Variants in MTMR8 observed in about 807,000 individuals in gnomAD.
MTMR8 encodes the protein myotubularin related protein 8.
MTMR8 carries 65 observed loss-of-function variants against 39.3 expected under a neutral mutation model. The ratio of observed to expected loss-of-function variants is 1.65; its 90% CI spans 1.35 to 2.03. The LOEUF (loss-of-function observed/expected upper bound fraction) is 2.03. Among genes scored for constraint, MTMR8 ranks in the 30% most tolerant of loss-of-function variants. The pLI is 0.00. For missense variants in MTMR8, 777 were observed against 538.9 expected, an observed-to-expected ratio of 1.44 and a Z score of -4.37; for synonymous variants, 245 against 185.2, an observed-to-expected ratio of 1.32 and a Z score of -2.62.
chrX:64,369,779 T>A (rs1207071285), intron 1 of MTMR8, among the ~76,000 whole-genome samples: 1 of 111,094 alleles, frequency 9.0e-6, no homozygotes, highest in Non-Finnish European at 1.9e-5. Context: ...AAAAAAATTA[T>A]CCAGTCTCAG....
chrX:64,356,666 T>C (rs1383565233), intron 2 of MTMR8, among the ~76,000 whole-genome samples: 1 of 111,174 alleles, frequency 9.0e-6, no homozygotes, highest in Non-Finnish European at 1.9e-5. Flanking sequence ...ACAATCAGAA[T>C]AATTGTTACA....
chrX:64,347,243 TA>T (rs781305397), intron 6 of MTMR8, among the ~76,000 whole-genome samples: 18 of 110,421 alleles, frequency 1.6e-4, no homozygotes, highest in African/African-American at 5.6e-4. Context: ...TGGAACCTGT[TA>T]AAAAAAAGGG....
chrX:64,329,820 A>T, intron 11 of MTMR8, among the ~76,000 whole-genome samples: 1 of 111,980 alleles, frequency 8.9e-6, no homozygotes. Flanking sequence ...CAGAAAAAAA[A>T]AAATATTGCG....
intron 12 of MTMR8, among the ~76,000 whole-genome samples, chrX:64,279,117 C>G (rs747693607): frequency 5.4e-4 from 61 of 111,997 alleles, no homozygotes; most frequent in African/African-American, 1.9e-3. Flanking sequence ...ATCCACTGCT[C>G]TCTTCAGAGC....
intron 12 of MTMR8, among the ~76,000 whole-genome samples, chrX:64,287,261 T>A (rs1465950213): frequency 9.0e-6 from 1 of 111,015 alleles, no homozygotes; most frequent in Non-Finnish European, 1.9e-5. Flanking sequence ...TTACAAGGGA[T>A]GTGAAGGACC....
chrX:64,304,869 T>C lies in MTMR8; in HGVS notation c.1481+23903A>G, dbSNP rs1304045395. On this transcript the variant is annotated intron_variant, in intron 12 of 13. Transcript: ENST00000374852. ...TTGATGGATCAAACATTTATATATATATATATATATATATATATATATATA... is the reference window on the plus strand; with the variant it reads ...TTGATGGATCAAACATTTATATATACATATATATATATATATATATATATA... 1.9e-4 allele frequency among the ~76,000 whole-genome samples: 7 copies of C among 37,495 alleles called. No homozygotes were observed. In the African/African-American group the frequency reaches 6.4e-3, roughly 35 times the overall value. The allele number at this position is 37,495 out of a possible 115,157, so 32.6% of individuals were successfully genotyped here. A position where few individuals can be genotyped will look rare whatever the true frequency, so the allele number is the denominator to read the frequency against.
chrX:64,280,649 G>T (rs1036863992), intron 12 of MTMR8, among the ~76,000 whole-genome samples: 1 of 111,389 alleles, frequency 9.0e-6, no homozygotes, highest in African/African-American at 3.3e-5. Context: ...AGACAAGGAT[G>T]CCCTCTCTCA....
At chrX:64,394,192 C>T (rs1190599190) in intron 1 of MTMR8, among the ~76,000 whole-genome samples, 8 of 111,605 alleles carry the variant, frequency 7.2e-5, no homozygotes, top group African/African-American at 2.6e-4. Context: ...TTCACTATCA[C>T]AAGAACAGCA....
chrX:64,268,348 T>A lies in MTMR8; in HGVS notation c.*189A>T, dbSNP rs1602097962. 2.2e-6 allele frequency: 1 copy of A among 457,517 alleles called. No homozygotes were observed. Among genetic ancestry groups the A allele is most frequent in the Non-Finnish European group, 3.7e-6 (1 of 273,805 alleles). 37.7% of individuals were successfully genotyped at this position (457,517 alleles called of 1,213,427 possible). A position where few individuals can be genotyped will look rare whatever the true frequency, so the allele number is the denominator to read the frequency against. Reference sequence around the variant, plus strand: ...AACATATTCTTTCTCTTGCCTACACTCTGTACTGCTTAATATGAACATATT... The same window carrying A: ...AACATATTCTTTCTCTTGCCTACACACTGTACTGCTTAATATGAACATATT... On this transcript the variant is annotated 3_prime_UTR_variant, in exon 14 of 14. Transcript: ENST00000374852.
intron 12 of MTMR8, among the ~76,000 whole-genome samples, chrX:64,272,111 G>C (rs775909562): frequency 2.7e-5 from 3 of 111,758 alleles, no homozygotes; most frequent in Non-Finnish European, 5.6e-5. Flanking sequence ...GTCTTCTCCT[G>C]TACAAGGCCA....
At chrX:64,364,304 T>C (rs1357736829) in intron 1 of MTMR8, among the ~76,000 whole-genome samples, 1 of 112,361 alleles carries the variant, frequency 8.9e-6, no homozygotes, top group Admixed American at 9.3e-5. Context: ...TCCTGACCAC[T>C]GTGTAGCCTA....
intron 12 of MTMR8, among the ~76,000 whole-genome samples, chrX:64,307,528 G>T (rs1367318939): frequency 9.0e-6 from 1 of 111,066 alleles, no homozygotes; most frequent in Non-Finnish European, 1.9e-5. Context: ...CGGCTTTTGG[G>T]TTCTCTATTC....
In MTMR8 at chrX:64,357,324, C is replaced by T. The variant is rs996613957; in HGVS notation, c.148-986G>A. On this transcript the variant is annotated intron_variant, in intron 2 of 13. Transcript: ENST00000374852. ...TCCCATCACCTCAATGCCCCAGTCC[C>T]TAATTTCTTTGGAAAAGTCATCTCT... Among the ~76,000 whole-genome samples, 5 of 111,666 alleles carry T rather than the reference C, an allele frequency of 4.5e-5. No individual in the cohort carries two copies. In the South Asian group the frequency reaches 1.9e-3, roughly 42 times the overall value.
At chrX:64,312,551 C>A (rs1014478327) in intron 12 of MTMR8, among the ~76,000 whole-genome samples, 3 of 112,308 alleles carry the variant, frequency 2.7e-5, no homozygotes, top group African/African-American at 6.5e-5. Context: ...CCTGTTTGCA[C>A]ATGACATGAT....
intron 1 of MTMR8, among the ~76,000 whole-genome samples, chrX:64,377,690 G>C (rs746903742): frequency 8.9e-6 from 1 of 112,096 alleles, no homozygotes; most frequent in South Asian, 3.7e-4. Flanking sequence ...CTTTGGACTT[G>C]AACTTTTGAA....
At chrX:64,290,620 C>T (rs947427486) in intron 12 of MTMR8, among the ~76,000 whole-genome samples, 6 of 110,549 alleles carry the variant, frequency 5.4e-5, no homozygotes, top group East Asian at 2.9e-4. Context: ...TCATACCCAC[C>T]ACCTCCTCGG....
chrX:64,392,500 T>C (rs1166224979), intron 1 of MTMR8, among the ~76,000 whole-genome samples: 1 of 112,187 alleles, frequency 8.9e-6, no homozygotes, highest in East Asian at 2.8e-4. Context: ...TGTATCCTGT[T>C]AGAGGTCAGT....
chrX:64,296,621 G>A (rs1253231502), intron 12 of MTMR8, among the ~76,000 whole-genome samples: 2 of 100,203 alleles, frequency 2.0e-5, no homozygotes, highest in Non-Finnish European at 4.0e-5. Flanking sequence ...GGGTACATGT[G>A]CACATTGTGC....
intron 1 of MTMR8, among the ~76,000 whole-genome samples, chrX:64,364,691 C>T (rs1461764208): frequency 9.0e-6 from 1 of 111,389 alleles, no homozygotes; most frequent in Non-Finnish European, 1.9e-5. Context: ...TTCTAAAAAC[C>T]AGAGCGCCTC....
Sources: gnomAD v4.1 joint callset for allele counts (sites outside exome capture counted in the v4.1 genomes callset) on GRCh38, gnomAD v4.1.1 for gene constraint, MANE v1.5 for transcripts, NCBI Gene and HGNC (gene_info 2026-07-23, HGNC 2026-07-21) for gene names.